Variants in PRKCE observed in about 807,000 individuals in gnomAD.
PRKCE encodes the protein protein kinase C epsilon type.
PRKCE carries 16 observed loss-of-function variants against 85.4 expected under a neutral mutation model. That is an observed-to-expected ratio of 0.19 (90% CI 0.13 to 0.28). The LOEUF is 0.28. Ranked by LOEUF, PRKCE falls within the 10% of genes least tolerant of loss-of-function variation. The pLI is 1.00. For missense variants in PRKCE, 573 were observed against 975.2 expected, an observed-to-expected ratio of 0.59 and a Z score of 5.49; for synonymous variants, 388 against 371.5, an observed-to-expected ratio of 1.04 and a Z score of -0.51.
At chr2:45,841,334 G>C (rs1691333099) in intron 1 of PRKCE, among the ~76,000 whole-genome samples, 1 of 152,204 alleles carries the variant, frequency 6.6e-6, no homozygotes, top group Non-Finnish European at 1.5e-5. Context: ...AAGCCGACAG[G>C]GCAGCCTTCA....
At chr2:45,880,997 C>CA (rs1694842381) in intron 2 of PRKCE, among the ~76,000 whole-genome samples, 1 of 151,754 alleles carries the variant, frequency 6.6e-6, no homozygotes, top group South Asian at 2.1e-4. Flanking sequence ...ACTAAAAATA[C>CA]AAAAAATTAG....
intron 14 of PRKCE, among the ~76,000 whole-genome samples, chr2:46,183,742 C>G (rs1257087467): frequency 1.3e-5 from 2 of 152,216 alleles, no homozygotes; most frequent in African/African-American, 4.8e-5. Context: ...CCCATTTCTA[C>G]CAGTACAGTT....
intron 1 of PRKCE, among the ~76,000 whole-genome samples, chr2:45,704,011 T>A (rs1270853761): frequency 2.6e-5 from 4 of 152,212 alleles, no homozygotes; most frequent in Non-Finnish European, 5.9e-5. Flanking sequence ...ACACTGTTAT[T>A]TCACCCATTC....
chr2:45,941,556 A>G (rs1198111550), intron 2 of PRKCE, among the ~76,000 whole-genome samples: 1 of 152,220 alleles, frequency 6.6e-6, no homozygotes, highest in Non-Finnish European at 1.5e-5. Flanking sequence ...GCTTTGAGGA[A>G]GACACAGAAC....
intron 2 of PRKCE, among the ~76,000 whole-genome samples, chr2:45,951,915 C>G (rs544241933): frequency 1.3e-5 from 2 of 152,382 alleles, no homozygotes; most frequent in South Asian, 4.1e-4. Flanking sequence ...TCACTGCAAA[C>G]TCTGCCTCCT....
chr2:46,028,667 T>C (rs558493973), intron 10 of PRKCE, among the ~76,000 whole-genome samples: 13 of 152,362 alleles, frequency 8.5e-5, no homozygotes, highest in African/African-American at 3.1e-4. Context: ...TAACTGATGT[T>C]CTTTTTAAAA....
Position 45,980,460 on chromosome 2 carries a change from G to A in PRKCE, c.693+79G>A, listed in dbSNP as rs1702797660. On this transcript the variant is annotated intron_variant, in intron 5 of 14. Transcript: ENST00000306156. The stretch of plus-strand genomic sequence containing the variant: ...TCACTGCCTCTTCTGTGGTTCCCAA[G>A]AAAACCTTCTCTGCCTGAGACCCTG... The A allele has an allele frequency of 4.5e-6, 6 of 1,344,838 alleles. No individual in the cohort carries two copies. In the Admixed American group the frequency reaches 1.0e-4, roughly 23 times the overall value. The allele number at this position is 1,344,838 out of a possible 1,614,324, so 83.3% of individuals were successfully genotyped here.
In PRKCE at chr2:45,983,802, T is replaced by G. The variant is rs547472919; in HGVS notation, c.694-749T>G. Among the ~76,000 whole-genome samples, 105 of 152,292 alleles carry G rather than the reference T, an allele frequency of 6.9e-4. 1 individual carries two copies. The highest frequency in any genetic ancestry group is 2.5e-3 in the African/African-American group (103 of 41,550). ...TCTTCCTCCTAATTGTTGTCCGTTC[T>G]GACTGATCCACAGTTTCCACAACAT... On this transcript the variant is annotated intron_variant, in intron 5 of 14. Transcript: ENST00000306156.
At chr2:45,983,511 G>A (rs368909561) in intron 5 of PRKCE, among the ~76,000 whole-genome samples, 30 of 152,296 alleles carry the variant, frequency 2.0e-4, no homozygotes, top group East Asian at 1.9e-3. Flanking sequence ...GACTCAGAAA[G>A]GTAGCCCAGC....
At chr2:45,967,024 C>T (rs1701777955) in intron 2 of PRKCE, among the ~76,000 whole-genome samples, 1 of 152,180 alleles carries the variant, frequency 6.6e-6, no homozygotes, top group African/African-American at 2.4e-5. Flanking sequence ...AGAACCTGAA[C>T]CATGGCTGTA....
chr2:46,113,628 G>C (rs1262624338), intron 11 of PRKCE, among the ~76,000 whole-genome samples: 2 of 152,210 alleles, frequency 1.3e-5, no homozygotes, highest in Non-Finnish European at 2.9e-5. Context: ...TTGACCTATG[G>C]GGAAAGATCT....
At chr2:45,846,031 C>G (rs1241530806) in intron 2 of PRKCE, among the ~76,000 whole-genome samples, 1 of 152,156 alleles carries the variant, frequency 6.6e-6, no homozygotes, top group South Asian at 2.1e-4. Flanking sequence ...TACCAAGTAG[C>G]AAACCTGCTC....
intron 8 of PRKCE, 48 bp from the exon 9 acceptor site, chr2:46,007,414 G>A: frequency 6.3e-7 from 1 of 1,578,610 alleles, no homozygotes; most frequent in Non-Finnish European, 8.6e-7. Context: ...AATGTAACAG[G>A]CTTAAGAGGT....
At chr2:46,084,712 C>T (rs936344424) in intron 10 of PRKCE, among the ~76,000 whole-genome samples, 110 of 97,554 alleles carry the variant, frequency 1.1e-3, no homozygotes, top group African/African-American at 3.6e-3. Context: ...CAGAGCGAGA[C>T]TCCATCAAAA....
At chr2:46,180,248 G>T (rs1259351642) in intron 14 of PRKCE, among the ~76,000 whole-genome samples, 1 of 152,188 alleles carries the variant, frequency 6.6e-6, no homozygotes, top group Non-Finnish European at 1.5e-5. Flanking sequence ...GGGGCAGAAG[G>T]CAGGGATAGG....
At chr2:45,769,486 G>C (rs554973964) in intron 1 of PRKCE, among the ~76,000 whole-genome samples, 84 of 152,200 alleles carry the variant, frequency 5.5e-4, no homozygotes, top group African/African-American at 1.7e-3. Context: ...ATGCACAATC[G>C]CTGGCGAGTA....
At chr2:46,157,426 G>A (rs1677323706) in intron 13 of PRKCE, among the ~76,000 whole-genome samples, 1 of 152,192 alleles carries the variant, frequency 6.6e-6, no homozygotes, top group Non-Finnish European at 1.5e-5. Flanking sequence ...ATTCAGTAAT[G>A]TCTGGAGATA....
At chr2:46,082,588 T>G (rs574313911) in intron 10 of PRKCE, among the ~76,000 whole-genome samples, 68 of 152,214 alleles carry the variant, frequency 4.5e-4, no homozygotes, top group African/African-American at 1.6e-3. Context: ...CCTTGGAAAC[T>G]GGGCGTGGAC....
chr2:45,959,408 A>G (rs1701231192), intron 2 of PRKCE, among the ~76,000 whole-genome samples: 1 of 152,230 alleles, frequency 6.6e-6, no homozygotes, highest in Non-Finnish European at 1.5e-5. Context: ...GATGCATGAG[A>G]GTTGAACCTT....
Sources: allele counts gnomAD v4.1 joint callset (sites outside exome capture counted in the v4.1 genomes callset), GRCh38; gene constraint gnomAD v4.1.1; transcripts MANE v1.5; gene names NCBI Gene and HGNC (gene_info 2026-07-23, HGNC 2026-07-21).